Variants in CSMD1 observed in about 807,000 individuals in gnomAD.
CSMD1 encodes the protein CUB and Sushi multiple domains 1.
In CSMD1, 213 loss-of-function variants were observed where a neutral mutation model predicts 417.5. The ratio of observed to expected loss-of-function variants is 0.51; its 90% CI spans 0.46 to 0.57. The LOEUF is 0.57. Among genes scored for constraint, CSMD1 ranks in the 20% least tolerant of loss-of-function variants. The pLI is 0.00. For synonymous variants in CSMD1, 2,862 were observed against 1,736.8 expected (o/e 1.65, Z -16.11); for missense variants, 6,923 against 4,529.7 (o/e 1.53, Z -15.17).
chr8:3,070,330 C>T (rs575435808), intron 49 of CSMD1, among the ~76,000 whole-genome samples: 39 of 152,352 alleles, frequency 2.6e-4, no homozygotes, highest in African/African-American at 6.0e-4. Flanking sequence ...CTCTGCCACA[C>T]GGCCAGCCTG....
intron 5 of CSMD1, among the ~76,000 whole-genome samples, chr8:3,838,729 T>C (rs1217967114): frequency 1.2e-5 from 1 of 84,314 alleles, no homozygotes; most frequent in East Asian, 3.1e-4. Context: ...AATAAATTAA[T>C]ATTATATAGT....
At chr8:4,687,087 C>G (rs906981927) in intron 1 of CSMD1, among the ~76,000 whole-genome samples, 3 of 152,200 alleles carry the variant, frequency 2.0e-5, no homozygotes, top group Non-Finnish European at 4.4e-5. Context: ...GGCCCCTGTG[C>G]AGGCTAACTC....
At chr8:3,300,203 T>A (rs2117334012) in intron 25 of CSMD1, among the ~76,000 whole-genome samples, 1 of 152,204 alleles carries the variant, frequency 6.6e-6, no homozygotes, top group East Asian at 1.9e-4. Context: ...AAATAAATGT[T>A]CAGAATAACA....
intron 23 of CSMD1, among the ~76,000 whole-genome samples, chr8:3,328,823 ATATG>A (rs1185746792): frequency 6.6e-6 from 1 of 152,250 alleles, no homozygotes; most frequent in African/African-American, 2.4e-5. Flanking sequence ...AATTAGTTAT[ATATG>A]ATATCTTTTA....
At chr8:4,617,056 A>G (rs1801510798) in intron 2 of CSMD1, among the ~76,000 whole-genome samples, 1 of 152,044 alleles carries the variant, frequency 6.6e-6, no homozygotes, top group Non-Finnish European at 1.5e-5. Flanking sequence ...GTTTAATCTT[A>G]TTTTTATAAA....
chr8:3,015,739 A>G (rs1000778049), intron 52 of CSMD1, among the ~76,000 whole-genome samples: 7 of 152,136 alleles, frequency 4.6e-5, no homozygotes, highest in African/African-American at 1.7e-4. Context: ...GTGGAAACCC[A>G]AAGTGATTTT....
rs147138732 is a variant in CSMD1, at chr8:3,044,634, GA to G, written c.7660+7827del. Among the ~76,000 whole-genome samples, 758 of 144,148 alleles carry G rather than the reference GA, an allele frequency of 5.3e-3. 9 individuals carry two copies. The highest frequency in any genetic ancestry group is 0.017 in the African/African-American group (689 of 39,410). 94.6% of individuals were successfully genotyped at this position (144,148 alleles called of 152,430 possible). A position where few individuals can be genotyped will look rare whatever the true frequency, so the allele number is the denominator to read the frequency against. ...TCCAGTCTCAGTAAATAACTGAAAT[GA>G]AAAAAAAAAGGGACCTCAAACATCT... On this transcript the variant is annotated intron_variant, in intron 50 of 69. Transcript: ENST00000635120.
chr8:3,877,389 C>T (rs944521617), intron 5 of CSMD1, among the ~76,000 whole-genome samples: 15 of 152,156 alleles, frequency 9.9e-5, no homozygotes, highest in Admixed American at 8.5e-4. Flanking sequence ...GGCTGCAGAC[C>T]GAACCCACGT....
Position 4,981,060 on chromosome 8 carries a change from G to C in CSMD1, c.85+13272C>G, listed in dbSNP as rs1408078195. Among the ~76,000 whole-genome samples, 3 of 152,186 alleles carry C rather than the reference G, an allele frequency of 2.0e-5. No individual in the cohort carries two copies. The East Asian group carries it at 5.8e-4, about 29-fold the overall frequency. ...AAGAAACCAAACAAGATTCAAGCGTGAACACCATGATGCGTGCATCTTTGC... is the reference window on the plus strand; with the variant it reads ...AAGAAACCAAACAAGATTCAAGCGTCAACACCATGATGCGTGCATCTTTGC... On this transcript the variant is annotated intron_variant, in intron 1 of 69. Transcript: ENST00000635120.
At chr8:4,355,080 G>C (rs981322781) in intron 3 of CSMD1, among the ~76,000 whole-genome samples, 2 of 151,874 alleles carry the variant, frequency 1.3e-5, no homozygotes, top group Non-Finnish European at 2.9e-5. Flanking sequence ...GGCTAACATG[G>C]TGAAACCCCG....
chr8:3,262,805 C>G (rs929996212), intron 26 of CSMD1, among the ~76,000 whole-genome samples: 1 of 151,984 alleles, frequency 6.6e-6, no homozygotes, highest in African/African-American at 2.4e-5. Context: ...TAATGTATAC[C>G]TATTAAACAT....
At chr8:3,709,677 C>CTTTTTTTTTTTTTTTTTTTTTTTTTTT (rs1801385248) in intron 6 of CSMD1, among the ~76,000 whole-genome samples, 1 of 33,648 alleles carries the variant, frequency 3.0e-5, no homozygotes, top group Non-Finnish European at 6.7e-5. Flanking sequence ...ATTGCAGCAG[C>CTTTTTTTTTTTTTTTTTTTTTTTTTTT]ATGTTTTTTT....
intron 54 of CSMD1, among the ~76,000 whole-genome samples, chr8:2,982,991 G>C (rs1424221720): frequency 6.6e-6 from 1 of 152,150 alleles, no homozygotes; most frequent in African/African-American, 2.4e-5. Context: ...TCTTCGGGCA[G>C]ACGACTCCTA....
At chr8:3,723,047 T>C (rs1802278226) in intron 6 of CSMD1, among the ~76,000 whole-genome samples, 2 of 152,328 alleles carry the variant, frequency 1.3e-5, no homozygotes, top group South Asian at 4.1e-4. Flanking sequence ...CTCAAGGAAC[T>C]AGCGCAGCTG....
intron 5 of CSMD1, among the ~76,000 whole-genome samples, chr8:3,847,875 GT>G (rs2129098066): frequency 1.3e-5 from 2 of 152,274 alleles, no homozygotes; most frequent in Admixed American, 1.3e-4. Context: ...CCTATAGCTA[GT>G]CTGACTTTTC....
chr8:4,187,875 C>G (rs1798778112), intron 3 of CSMD1, among the ~76,000 whole-genome samples: 1 of 151,994 alleles, frequency 6.6e-6, no homozygotes, highest in Non-Finnish European at 1.5e-5. Flanking sequence ...TTTATTCTCT[C>G]AGGCCATGGC....
At chr8:3,793,218 G>A (rs1799847135) in intron 5 of CSMD1, among the ~76,000 whole-genome samples, 1 of 152,160 alleles carries the variant, frequency 6.6e-6, no homozygotes, top group African/African-American at 2.4e-5. Context: ...CAACCGCTAT[G>A]GTCTAAGTCC....
intron 1 of CSMD1, among the ~76,000 whole-genome samples, chr8:4,783,922 A>T (rs1423521378): frequency 6.6e-6 from 1 of 152,236 alleles, no homozygotes; most frequent in East Asian, 1.9e-4. Flanking sequence ...CCGTGAATAA[A>T]AGTTGGCTCA....
At chr8:3,302,566 G>C (rs1312863607) in intron 25 of CSMD1, among the ~76,000 whole-genome samples, 1 of 152,122 alleles carries the variant, frequency 6.6e-6, no homozygotes, top group Admixed American at 6.6e-5. Context: ...CGTTTTTTAA[G>C]ACATCAAGTG....
Sources: gnomAD v4.1 joint callset for allele counts (sites outside exome capture counted in the v4.1 genomes callset) on GRCh38, gnomAD v4.1.1 for gene constraint, MANE v1.5 for transcripts, NCBI Gene and HGNC (gene_info 2026-07-23, HGNC 2026-07-21) for gene names.